The following MTREX variants were observed in gnomAD, a reference collection of about 807,000 sequenced individuals.
MTREX encodes Mtr4 exosome RNA helicase, also known as exosome RNA helicase MTR4.
A neutral mutation model predicts 135.4 loss-of-function variants in MTREX; 76 were observed. The observed-to-expected ratio is 0.56, with a 90% CI of 0.47 to 0.68. The LOEUF is 0.68. MTREX is among the 30% of genes least tolerant of loss of function. The probability of loss-of-function intolerance (pLI) is 0.00; values close to 1 mark genes in which losing one functional copy is unlikely to be tolerated. For synonymous variants in MTREX, 404 were observed against 401.6 expected (o/e 1.01, Z -0.07); for missense variants, 920 against 1,262.1 (o/e 0.73, Z 4.11).
chr5:55,349,696 AT>A, intron 12 of MTREX, 44 bp downstream of exon 12: 1 of 1,001,696 alleles, frequency 1.0e-6, no homozygotes. Context: ...ATAATAATAG[AT>A]TGCATATATT....
intron 5 of MTREX, among the ~76,000 whole-genome samples, chr5:55,332,489 T>A (rs1320475697): frequency 6.6e-6 from 1 of 152,230 alleles, no homozygotes; most frequent in Non-Finnish European, 1.5e-5. Context: ...TTTCTGTTGC[T>A]GTATTCTGCT....
chr5:55,408,464 C>CT (rs1477933843), intron 22 of MTREX, among the ~76,000 whole-genome samples: 1 of 152,140 alleles, frequency 6.6e-6, no homozygotes, highest in Admixed American at 6.5e-5. Context: ...CTTTGCTTGA[C>CT]TTAACTCTTA....
At chr5:55,372,958 T>C (rs1289881431) in intron 16 of MTREX, among the ~76,000 whole-genome samples, 11 of 150,580 alleles carry the variant, frequency 7.3e-5, no homozygotes, top group Non-Finnish European at 1.5e-4. Context: ...CTATGGTTTT[T>C]GGCTTATAAT....
At chr5:55,343,764 C>T (rs1332813663) in intron 8 of MTREX, among the ~76,000 whole-genome samples, 2 of 152,128 alleles carry the variant, frequency 1.3e-5, no homozygotes, top group Non-Finnish European at 2.9e-5. Context: ...ACTGCATTTA[C>T]TCAAATAGTT....
At chr5:55,391,547 A>T (rs1314395487) in intron 19 of MTREX, among the ~76,000 whole-genome samples, 2 of 152,132 alleles carry the variant, frequency 1.3e-5, no homozygotes, top group Non-Finnish European at 2.9e-5. Context: ...TCCCTAAATT[A>T]TTTTTCAAAA....
At chr5:55,384,775 G>C (rs1463729456) in intron 18 of MTREX, among the ~76,000 whole-genome samples, 2 of 152,104 alleles carry the variant, frequency 1.3e-5, no homozygotes, top group African/African-American at 2.4e-5. Flanking sequence ...GTAGAGTTGG[G>C]GGTCACAGCC....
At chr5:55,383,912 G>A (rs1226295373) in intron 18 of MTREX, among the ~76,000 whole-genome samples, 2 of 152,110 alleles carry the variant, frequency 1.3e-5, no homozygotes, top group Admixed American at 1.3e-4. Context: ...TGGGACTACA[G>A]GTGTGCACCA....
At chr5:55,345,846 T>G (rs1326909498) in intron 10 of MTREX, among the ~76,000 whole-genome samples, 4 of 152,062 alleles carry the variant, frequency 2.6e-5, no homozygotes, top group Admixed American at 2.6e-4. Context: ...TTTTGTATTT[T>G]TAGTAGAGAC....
intron 15 of MTREX, among the ~76,000 whole-genome samples, chr5:55,359,136 CT>C (rs1198587560): frequency 1.3e-5 from 2 of 152,210 alleles, no homozygotes; most frequent in Non-Finnish European, 2.9e-5. Context: ...TGCGTTTACA[CT>C]TTACCCTATT....
At chr5:55,382,485 A>G (rs1452131273) in intron 18 of MTREX, among the ~76,000 whole-genome samples, 2 of 151,976 alleles carry the variant, frequency 1.3e-5, no homozygotes, top group Non-Finnish European at 2.9e-5. Flanking sequence ...GCTCTATTCT[A>G]TTTTCTCTCT....
intron 15 of MTREX, among the ~76,000 whole-genome samples, chr5:55,362,018 G>A (rs1466086616): frequency 6.6e-6 from 1 of 151,406 alleles, no homozygotes; most frequent in Non-Finnish European, 1.5e-5. Context: ...CAGGGCTCAA[G>A]CGACCCTCCC....
intron 21 of MTREX, among the ~76,000 whole-genome samples, chr5:55,405,016 TGTTGGCCAGGAA>T (rs1750780539): frequency 6.6e-6 from 1 of 151,960 alleles, no homozygotes; most frequent in African/African-American, 2.4e-5. Flanking sequence ...AGTTTCACCA[TGTTGGCCAGGAA>T]CCTCGTGATC....
At chr5:55,376,657 A>G (rs928121166) in intron 16 of MTREX, among the ~76,000 whole-genome samples, 1 of 152,248 alleles carries the variant, frequency 6.6e-6, no homozygotes, top group Non-Finnish European at 1.5e-5. Context: ...ATAGAATACA[A>G]TGTGGAGGAC....
Position 55,390,112 on chromosome 5 carries a change from C to CT in MTREX, c.2181+2019dup, listed in dbSNP as rs1331436033. On this transcript the variant is annotated intron_variant, in intron 19 of 26. Transcript: ENST00000230640. Reference sequence around the variant, plus strand: ...TTTATAGAAGACTACTTTCTTTTTTCTTTTTTTTTGAGATGGAGTCTCGCT... The same window carrying CT: ...TTTATAGAAGACTACTTTCTTTTTTCTTTTTTTTTTGAGATGGAGTCTCGCT... Among the ~76,000 whole-genome samples, 421 of 150,748 alleles carry CT rather than the reference C, an allele frequency of 2.8e-3. 2 individuals carry two copies. Among genetic ancestry groups the CT allele is most frequent in the African/African-American group, 8.5e-3 (352 of 41,174 alleles).
At chr5:55,367,390 G>A (rs1031815609) in intron 16 of MTREX, among the ~76,000 whole-genome samples, 3 of 151,834 alleles carry the variant, frequency 2.0e-5, no homozygotes, top group Non-Finnish European at 4.4e-5. Flanking sequence ...GGAGGCTGAG[G>A]CAGGAGAATC....
intron 5 of MTREX, among the ~76,000 whole-genome samples, chr5:55,330,545 T>C (rs761689038): frequency 8.5e-5 from 13 of 152,254 alleles, no homozygotes; most frequent in South Asian, 2.1e-4. Context: ...ACGTTAAATG[T>C]CCTTGTTACT....
At chr5:55,317,771 A>G (rs1398655652) in intron 1 of MTREX, among the ~76,000 whole-genome samples, 1 of 152,220 alleles carries the variant, frequency 6.6e-6, no homozygotes, top group Non-Finnish European at 1.5e-5. Flanking sequence ...GCAAAAATTG[A>G]CAAATGGGAT....
chr5:55,337,759 C>G lies in MTREX; in HGVS notation c.516-2251C>G, dbSNP rs144230175. On this transcript the variant is annotated intron_variant, in intron 5 of 26. Coordinates refer to ENST00000230640, the MANE Select transcript of MTREX (RefSeq NM_015360.5). Reference sequence around the variant, plus strand: ...GGATTTATATTTGCCTTTTGTTGTTCGTTTTGGGGGTCTTTTGGTATATTT... The same window carrying G: ...GGATTTATATTTGCCTTTTGTTGTTGGTTTTGGGGGTCTTTTGGTATATTT... 5.5e-3 allele frequency among the ~76,000 whole-genome samples: 812 copies of G among 146,772 alleles called. 6 individuals carry two copies. The highest frequency in any genetic ancestry group is 6.3e-3 in the Non-Finnish European group (419 of 66,850).
intron 15 of MTREX, among the ~76,000 whole-genome samples, chr5:55,361,868 C>T (rs1216942510): frequency 5.3e-5 from 8 of 151,882 alleles, no homozygotes; most frequent in African/African-American, 1.2e-4. Context: ...GCTAGGATTA[C>T]GGGCGTGAGC....
Sources: gnomAD v4.1 joint callset for allele counts (sites outside exome capture counted in the v4.1 genomes callset) on GRCh38, gnomAD v4.1.1 for gene constraint, MANE v1.5 for transcripts, NCBI Gene and HGNC (gene_info 2026-07-23, HGNC 2026-07-21) for gene names.